The following CHEK1 variants were observed in gnomAD, a reference collection of about 807,000 sequenced individuals.
CHEK1 encodes the protein serine/threonine-protein kinase Chk1.
CHEK1 carries 32 observed loss-of-function variants against 60.2 expected under a neutral mutation model. That is an observed-to-expected ratio of 0.53 (90% confidence interval 0.40 to 0.71). The LOEUF (loss-of-function observed/expected upper bound fraction) is 0.71. CHEK1 is among the 30% of genes least tolerant of loss of function. CHEK1 has a pLI of 0.00. For synonymous variants in CHEK1, 179 were observed against 187.2 expected (o/e 0.96, Z 0.36); for missense variants, 399 against 564.6 (o/e 0.71, Z 2.97).
intron 13 of CHEK1, among the ~76,000 whole-genome samples, chr11:125,673,577 A>G (rs544376887): frequency 6.6e-6 from 1 of 152,124 alleles, no homozygotes; most frequent in African/African-American, 2.4e-5. Flanking sequence ...TCTGGATCCA[A>G]TTATTTCTGC....
chr11:125,640,178 A>G (rs1941229840), intron 8 of CHEK1, among the ~76,000 whole-genome samples: 3 of 152,226 alleles, frequency 2.0e-5, no homozygotes, highest in Non-Finnish European at 1.5e-5. Flanking sequence ...GTTCAATGTA[A>G]TAGTCCACTG....
intron 7 of CHEK1, 95 bp downstream of exon 7, chr11:125,635,628 C>T (rs961033692): frequency 1.9e-5 from 14 of 746,454 alleles, no homozygotes; most frequent in Middle Eastern, 2.6e-4. Flanking sequence ...TTGTTTTAAA[C>T]TTACAAATAA....
At chr11:125,632,437 G>A (rs1217318909) in intron 5 of CHEK1, among the ~76,000 whole-genome samples, 1 of 152,038 alleles carries the variant, frequency 6.6e-6, no homozygotes, top group Non-Finnish European at 1.5e-5. Flanking sequence ...ATCCTATAGT[G>A]CTCTATATTT....
At chr11:125,628,381 G>T (rs944097716) in intron 3 of CHEK1, among the ~76,000 whole-genome samples, 2 of 152,008 alleles carry the variant, frequency 1.3e-5, no homozygotes, top group African/African-American at 4.8e-5. Context: ...ATAAAATCTG[G>T]ATCTAAATTT....
At chr11:125,632,871 G>C (rs1191619199) in intron 5 of CHEK1, among the ~76,000 whole-genome samples, 1 of 152,116 alleles carries the variant, frequency 6.6e-6, no homozygotes, top group African/African-American at 2.4e-5. Context: ...TTCCAGAAGG[G>C]CAGCCCCTTC....
At chr11:125,676,493 T>C, downstream of CHEK1, 1 of 1,614,104 alleles carries the variant, frequency 6.2e-7, no homozygotes, top group Non-Finnish European at 8.5e-7. Flanking sequence ...AAATTTAAGA[T>C]AAGCCTGATG....
chr11:125,631,535 C>A (rs1940858580), intron 5 of CHEK1, among the ~76,000 whole-genome samples: 2 of 152,114 alleles, frequency 1.3e-5, no homozygotes, highest in South Asian at 2.1e-4. Context: ...GAAACTCAAT[C>A]TCAGTGGTTT....
chr11:125,644,461 C>T (rs1475720524), intron 10 of CHEK1, 51 bp from the exon 11 acceptor site: 1 of 1,582,796 alleles, frequency 6.3e-7, no homozygotes, highest in Non-Finnish European at 8.6e-7. Flanking sequence ...TATGATATTA[C>T]TGTCTTTAGT....
Position 125,629,297 on chromosome 11 carries a change from G to A in CHEK1, c.354+1G>A, listed in dbSNP as rs766064275. ...CTTCCATCAACTCATGGCAGGGGTG[G>A]TAGGTATAGTTGTCTATTTCCCTTT... On this transcript the variant is annotated splice_donor_variant, in intron 4 of 12. Transcript: ENST00000438015. LOFTEE classifies it high-confidence loss of function. The A allele has an allele frequency of 3.7e-6, 6 of 1,613,988 alleles. No homozygotes were observed. Among genetic ancestry groups the A allele is most frequent in the Non-Finnish European group, 8.5e-7 (1 of 1,179,986 alleles).
At chr11:125,662,694 T>C (rs1942039054) in intron 13 of CHEK1, among the ~76,000 whole-genome samples, 1 of 152,236 alleles carries the variant, frequency 6.6e-6, no homozygotes, top group Non-Finnish European at 1.5e-5. Context: ...TATAAATATC[T>C]ACAGGCTTTT....
chr11:125,672,517 C>A, intron 13 of CHEK1: 1 of 1,565,880 alleles, frequency 6.4e-7, no homozygotes. Flanking sequence ...GGGGAAGGAA[C>A]TAAATATAAA....
chr11:125,650,407 C>G (rs916292244), intron 11 of CHEK1, among the ~76,000 whole-genome samples: 1 of 150,950 alleles, frequency 6.6e-6, no homozygotes. Flanking sequence ...TCCCCTCTTG[C>G]CAGTGTTTGT....
downstream of CHEK1, among the ~76,000 whole-genome samples, chr11:125,659,860 C>T (rs1158509935): frequency 1.3e-5 from 2 of 152,142 alleles, no homozygotes; most frequent in Non-Finnish European, 2.9e-5. Context: ...CATTAGCAGT[C>T]ACTCCCCACT....
intron 13 of CHEK1, among the ~76,000 whole-genome samples, chr11:125,664,185 C>T (rs1317259746): frequency 2.0e-5 from 3 of 151,254 alleles, no homozygotes; most frequent in South Asian, 4.2e-4. Context: ...AATGTGGTAT[C>T]TCAATGTGGT....
At chr11:125,629,173 C>G in intron 3 of CHEK1, 59 bp from the exon 4 acceptor site, 3 of 1,502,272 alleles carry the variant, frequency 2.0e-6, no homozygotes, top group Non-Finnish European at 2.8e-6. Context: ...AATTAAGAAG[C>G]TATGTGGTTG....
downstream of CHEK1, among the ~76,000 whole-genome samples, chr11:125,658,685 C>CTT (rs67342073): frequency 5.4e-4 from 19 of 34,874 alleles, no homozygotes; most frequent in Non-Finnish European, 8.4e-4. Flanking sequence ...ATGGCTTTTG[C>CTT]TTTTTTTTTT....
At chr11:125,629,066 A>G (rs762170479) in intron 3 of CHEK1, among the ~76,000 whole-genome samples, 166 bp from the exon 4 acceptor site, 11 of 152,180 alleles carry the variant, frequency 7.2e-5, no homozygotes, top group Non-Finnish European at 1.6e-4. Context: ...ACACAGGTAA[A>G]TGTGAGTTAA....
At chr11:125,652,930 T>G (rs949185775) in intron 11 of CHEK1, among the ~76,000 whole-genome samples, 3 of 152,156 alleles carry the variant, frequency 2.0e-5, no homozygotes, top group African/African-American at 7.2e-5. Context: ...TAGCTGTAAT[T>G]TTGTATTCTT....
In CHEK1 at chr11:125,625,634, G is replaced by C. The variant is rs1940552395; in HGVS notation, c.-399G>C. 1.7e-6 allele frequency: 1 copy of C among 595,774 alleles called. No homozygotes were observed. Among genetic ancestry groups the C allele is most frequent in the Non-Finnish European group, 3.0e-6 (1 of 333,204 alleles). 36.9% of individuals were successfully genotyped at this position (595,774 alleles called of 1,614,324 possible). A position where few individuals can be genotyped will look rare whatever the true frequency, so the allele number is the denominator to read the frequency against. On this transcript the variant is annotated 5_prime_UTR_variant, in exon 1 of 13. Coordinates refer to ENST00000438015, the MANE Select transcript of CHEK1 (RefSeq NM_001114122.3). Reference sequence around the variant, plus strand: ...GCCCGCAGCCCCGCCTGGAAGCGCAGCGCGGTCGGTCGCGCGCCCCTGAGG... The same window carrying C: ...GCCCGCAGCCCCGCCTGGAAGCGCACCGCGGTCGGTCGCGCGCCCCTGAGG...
Sources: allele counts gnomAD v4.1 joint callset (sites outside exome capture counted in the v4.1 genomes callset), GRCh38; gene constraint gnomAD v4.1.1; transcripts MANE v1.5; gene names NCBI Gene and HGNC (gene_info 2026-07-23, HGNC 2026-07-21).